The following NRXN1 variants were observed in gnomAD, a reference collection of about 807,000 sequenced individuals.
NRXN1 encodes the protein neurexin 1.
A neutral mutation model predicts 150.9 loss-of-function variants in NRXN1; 39 were observed. The ratio of observed to expected loss-of-function variants is 0.26; its 90% CI spans 0.20 to 0.34. The LOEUF is 0.34. NRXN1 is among the 10% of genes least tolerant of loss of function. The pLI is 1.00. For synonymous variants in NRXN1, 924 were observed against 757.0 expected (o/e 1.22, Z -3.62); for missense variants, 1,815 against 1,949.9 (o/e 0.93, Z 1.30).
At position 50,972,172 on chromosome 2, in the gene NRXN1, G is replaced by C. The variant is rs538375786; in HGVS notation, c.773-46217C>G. Among the ~76,000 whole-genome samples the C allele has an allele frequency of 1.1e-4, 16 of 152,014 alleles. No homozygotes were observed. In the South Asian group the frequency reaches 2.9e-3, roughly 28 times the overall value. ...TATTATGAACAACCTAAACTTGAAG[G>C]TTAAATGTGTGTATATTTTTATATG... On this transcript the variant is annotated intron_variant, in intron 2 of 22. Coordinates refer to ENST00000401669, the MANE Select transcript of NRXN1 (RefSeq NM_001330078.2).
At chr2:50,288,075 A>G (rs1297679515) in intron 17 of NRXN1, among the ~76,000 whole-genome samples, 1 of 152,192 alleles carries the variant, frequency 6.6e-6, no homozygotes, top group Non-Finnish European at 1.5e-5. Context: ...TCCAGTGGAA[A>G]AAAAACTCAA....
chr2:50,033,810 G>A (rs922205641), intron 21 of NRXN1, among the ~76,000 whole-genome samples: 1 of 151,828 alleles, frequency 6.6e-6, no homozygotes, highest in Non-Finnish European at 1.5e-5. Flanking sequence ...TAAAAAGTGG[G>A]CAAAAGGACA....
intron 8 of NRXN1, among the ~76,000 whole-genome samples, chr2:50,578,730 GC>G (rs1260407974): frequency 6.6e-6 from 1 of 151,392 alleles, no homozygotes; most frequent in Non-Finnish European, 1.5e-5. Context: ...AAATGCTAAA[GC>G]TTTTTAATTT....
chr2:50,166,037 C>T (rs2059660237), intron 18 of NRXN1, among the ~76,000 whole-genome samples: 1 of 151,972 alleles, frequency 6.6e-6, no homozygotes, highest in African/African-American at 2.4e-5. Flanking sequence ...ATATATCTCA[C>T]CAATGATACA....
At chr2:50,170,141 T>TCACACACACACACACA (rs71404935) in intron 18 of NRXN1, among the ~76,000 whole-genome samples, 3 of 148,370 alleles carry the variant, frequency 2.0e-5, no homozygotes, top group African/African-American at 7.4e-5. Flanking sequence ...ATAGATAATA[T>TCACACACACACACACA]CACACACACA....
intron 18 of NRXN1, among the ~76,000 whole-genome samples, chr2:50,136,761 A>G (rs933307678): frequency 6.6e-6 from 1 of 152,244 alleles, no homozygotes; most frequent in Admixed American, 6.5e-5. Flanking sequence ...CCATTATCTA[A>G]AAGTTTGAAC....
intron 5 of NRXN1, among the ~76,000 whole-genome samples, chr2:50,830,440 A>C (rs1671252413): frequency 1.3e-5 from 2 of 151,974 alleles, no homozygotes; most frequent in Non-Finnish European, 2.9e-5. Flanking sequence ...ATTCAACACT[A>C]AGCTAATTTA....
chr2:50,610,363 G>T, intron 8 of NRXN1, among the ~76,000 whole-genome samples: 1 of 151,556 alleles, frequency 6.6e-6, no homozygotes, highest in African/African-American at 2.4e-5. Context: ...CTGAGCTTCA[G>T]TCCCATACAA....
chr2:50,402,789 A>T (rs950224171), intron 17 of NRXN1, among the ~76,000 whole-genome samples: 1 of 152,142 alleles, frequency 6.6e-6, no homozygotes, highest in African/African-American at 2.4e-5. Flanking sequence ...CTCCAGTGAT[A>T]CGTGATCTGG....
chr2:50,437,937 A>C (rs1344779923), intron 17 of NRXN1, among the ~76,000 whole-genome samples: 1 of 152,136 alleles, frequency 6.6e-6, no homozygotes. Flanking sequence ...ACAGCAGAAA[A>C]ATCTTCCTGG....
At chr2:50,381,522 AACACACACACACACACACACACACAC>A (rs59726557) in intron 17 of NRXN1, among the ~76,000 whole-genome samples, 9 of 128,502 alleles carry the variant, frequency 7.0e-5, no homozygotes, top group African/African-American at 2.3e-4. Context: ...CAGGCTTTTA[AACACACACACACACACACACACACAC>A]ACACACACAC....
intron 5 of NRXN1, among the ~76,000 whole-genome samples, chr2:50,779,596 ATC>A (rs1704084882): frequency 6.6e-6 from 1 of 151,888 alleles, no homozygotes; most frequent in Non-Finnish European, 1.5e-5. Context: ...GTGAAACCCC[ATC>A]TCTACTAAAA....
intron 18 of NRXN1, among the ~76,000 whole-genome samples, chr2:50,133,158 C>A (rs557673403): frequency 5.0e-4 from 76 of 152,248 alleles, no homozygotes; most frequent in African/African-American, 1.8e-3. Flanking sequence ...TTTTGAGTAA[C>A]TGGAGATGGC....
chr2:50,358,718 C>A (rs145020250), intron 17 of NRXN1, among the ~76,000 whole-genome samples: 307 of 152,328 alleles, frequency 2.0e-3, no homozygotes, highest in Middle Eastern at 6.8e-3. Context: ...TGCAGCACAT[C>A]GCTGGAGCTC....
chr2:50,308,160 T>C (rs989949616), intron 17 of NRXN1, among the ~76,000 whole-genome samples: 4 of 152,144 alleles, frequency 2.6e-5, no homozygotes, highest in African/African-American at 9.7e-5. Context: ...CAGTGTACAA[T>C]ATAATATCAT....
At chr2:50,006,467 T>TC (rs1183663025) in intron 21 of NRXN1, among the ~76,000 whole-genome samples, 21 of 152,120 alleles carry the variant, frequency 1.4e-4, no homozygotes, top group Admixed American at 1.3e-3. Context: ...CTGCCCACCA[T>TC]TTGCCTTTGC....
chr2:50,007,712 T>C (rs1340348056), intron 21 of NRXN1, among the ~76,000 whole-genome samples: 2 of 152,040 alleles, frequency 1.3e-5, no homozygotes, highest in East Asian at 3.9e-4. Context: ...GTGTCTTTTA[T>C]AGTAGAATGA....
chr2:50,706,558 C>T (rs1203448282), intron 5 of NRXN1, among the ~76,000 whole-genome samples: 1 of 152,078 alleles, frequency 6.6e-6, no homozygotes, highest in Non-Finnish European at 1.5e-5. Context: ...TGAACATTGG[C>T]TTTACAAGAA....
chr2:50,574,721 G>A (rs946600981), intron 8 of NRXN1, among the ~76,000 whole-genome samples: 16 of 152,176 alleles, frequency 1.1e-4, no homozygotes, highest in African/African-American at 3.6e-4. Flanking sequence ...GTCAGGATTT[G>A]CATTGACAAC....
Sources: gnomAD v4.1 joint callset for allele counts (sites outside exome capture counted in the v4.1 genomes callset) on GRCh38, gnomAD v4.1.1 for gene constraint, MANE v1.5 for transcripts, NCBI Gene and HGNC (gene_info 2026-07-23, HGNC 2026-07-21) for gene names.